The following EFCAB6 variants were observed in gnomAD, a reference collection of about 807,000 sequenced individuals.
The protein encoded by EFCAB6 is EF-hand calcium-binding domain-containing protein 6.
Under a neutral mutation model 169.8 loss-of-function variants are expected in EFCAB6, and 156 were observed. The observed-to-expected ratio is 0.92, with a 90% CI of 0.81 to 1.05. The LOEUF (loss-of-function observed/expected upper bound fraction) is 1.05, where lower values mean the gene tolerates loss of function less well. Ranked by LOEUF, EFCAB6 falls within the 50% of genes least tolerant of loss-of-function variation. The probability of loss-of-function intolerance (pLI) is 0.00; values close to 1 mark genes in which losing one functional copy is unlikely to be tolerated. For missense variants in EFCAB6, 1,800 were observed against 1,829.1 expected, an observed-to-expected ratio of 0.98 and a Z score of 0.29; for synonymous variants, 698 against 676.4, an observed-to-expected ratio of 1.03 and a Z score of -0.50.
intron 26 of EFCAB6, among the ~76,000 whole-genome samples, chr22:43,567,580 C>T (rs180786412): frequency 6.7e-4 from 102 of 152,290 alleles, no homozygotes; most frequent in Non-Finnish European, 6.0e-4. Flanking sequence ...ACACACCAAA[C>T]AGTTCTCATT....
rs2056625336 is a variant in EFCAB6, at chr22:43,654,287, C to A, written c.1983+12817G>T. 1.3e-5 allele frequency among the ~76,000 whole-genome samples: 2 copies of A among 152,228 alleles called. 1 individual carries two copies. The highest frequency in any genetic ancestry group is 4.1e-4 in the South Asian group (2 of 4,836). On this transcript the variant is annotated intron_variant, in intron 17 of 31. Coordinates refer to ENST00000262726, the MANE Select transcript of EFCAB6 (RefSeq NM_022785.4). ...AGAGCTGGAGCATTGTAACTCCCCACTTCTTCCCTGAGGGCTGTGCACCAT... is the reference window on the plus strand; with the variant it reads ...AGAGCTGGAGCATTGTAACTCCCCAATTCTTCCCTGAGGGCTGTGCACCAT...
At chr22:43,794,341 C>T (rs150457982) in intron 2 of EFCAB6, among the ~76,000 whole-genome samples, 4 of 152,290 alleles carry the variant, frequency 2.6e-5, no homozygotes, top group Non-Finnish European at 5.9e-5. Context: ...GAGTTAGACA[C>T]TATTATCCAT....
At chr22:43,655,864 G>A (rs1351379493) in intron 17 of EFCAB6, among the ~76,000 whole-genome samples, 1 of 152,168 alleles carries the variant, frequency 6.6e-6, no homozygotes, top group East Asian at 1.9e-4. Flanking sequence ...GATGACATAG[G>A]CCTGAAGGCA....
chr22:43,718,547 C>T (rs1264656304), intron 8 of EFCAB6, among the ~76,000 whole-genome samples: 1 of 152,158 alleles, frequency 6.6e-6, no homozygotes, highest in African/African-American at 2.4e-5. Flanking sequence ...CTTTGGGAGG[C>T]CAAGACGGGC....
intron 8 of EFCAB6, among the ~76,000 whole-genome samples, chr22:43,727,076 A>T (rs892066558): frequency 6.6e-6 from 1 of 152,228 alleles, no homozygotes; most frequent in Non-Finnish European, 1.5e-5. Flanking sequence ...TTGAAAAAAA[A>T]GTTTTAAAAC....
At chr22:43,790,097 T>A (rs16991000) in intron 2 of EFCAB6, among the ~76,000 whole-genome samples, 2,319 of 152,276 alleles carry the variant, frequency 0.015, 59 homozygotes, top group African/African-American at 0.053. Flanking sequence ...TGGCTAGTAC[T>A]TTGCTTTCCC....
At chr22:43,590,799 T>C (rs1248269600) in intron 23 of EFCAB6, among the ~76,000 whole-genome samples, 1 of 151,196 alleles carries the variant, frequency 6.6e-6, no homozygotes, top group African/African-American at 2.4e-5. Flanking sequence ...ACATGCACTT[T>C]GGCTATAGGC....
At chr22:43,756,306 C>A (rs2060955893) in intron 5 of EFCAB6, among the ~76,000 whole-genome samples, 1 of 152,194 alleles carries the variant, frequency 6.6e-6, no homozygotes, top group Non-Finnish European at 1.5e-5. Context: ...CAGCTCCTAA[C>A]CTCTCTGCTG....
chr22:43,678,585 A>G (rs566309107), intron 12 of EFCAB6, among the ~76,000 whole-genome samples: 2 of 152,306 alleles, frequency 1.3e-5, no homozygotes, highest in Admixed American at 6.5e-5. Flanking sequence ...TTAGTTTGCC[A>G]ATTTAGTAAG....
intron 3 of EFCAB6, among the ~76,000 whole-genome samples, chr22:43,778,741 A>C (rs1351347005): frequency 6.6e-6 from 1 of 152,216 alleles, no homozygotes; most frequent in Non-Finnish European, 1.5e-5. Flanking sequence ...TTTAACTAAA[A>C]CTGCAACAAA....
intron 26 of EFCAB6, among the ~76,000 whole-genome samples, chr22:43,564,858 G>A (rs1181239811): frequency 1.3e-5 from 2 of 152,092 alleles, no homozygotes; most frequent in Admixed American, 6.5e-5. Context: ...ATGGATGATC[G>A]GGAAGACAGA....
intron 13 of EFCAB6, among the ~76,000 whole-genome samples, chr22:43,675,885 C>T (rs2057735761): frequency 6.6e-6 from 1 of 151,374 alleles, no homozygotes; most frequent in Non-Finnish European, 1.5e-5. Flanking sequence ...ATTTCTACTT[C>T]TAAAATCTAT....
At chr22:43,589,065 A>G (rs575579989) in intron 24 of EFCAB6, among the ~76,000 whole-genome samples, 2 of 152,136 alleles carry the variant, frequency 1.3e-5, no homozygotes, top group East Asian at 3.9e-4. Context: ...TAGTAAGTCA[A>G]TAGAAACTGC....
rs1318693484 is a variant in EFCAB6, at chr22:43,753,676, A to G, written c.507+2090T>C. Among the ~76,000 whole-genome samples, 5 of 152,320 alleles carry G rather than the reference A, an allele frequency of 3.3e-5. No individual in the cohort carries two copies. In the East Asian group the frequency reaches 9.6e-4, roughly 29 times the overall value. On this transcript the variant is annotated intron_variant, in intron 6 of 31. Coordinates refer to ENST00000262726, the MANE Select transcript of EFCAB6 (RefSeq NM_022785.4). ...GCCTGTGAAGAAGAGAGAGGCTGAC[A>G]AATCAGCCATCAGACCAAGCTCATT...
At chr22:43,603,355 C>A (rs980872851) in intron 22 of EFCAB6, among the ~76,000 whole-genome samples, 3 of 152,158 alleles carry the variant, frequency 2.0e-5, no homozygotes, top group African/African-American at 7.2e-5. Context: ...TTTAAAACAC[C>A]AACTTGCCTA....
chr22:43,578,184 T>G (rs1460518140), intron 25 of EFCAB6, among the ~76,000 whole-genome samples: 2 of 152,104 alleles, frequency 1.3e-5, no homozygotes, highest in East Asian at 3.9e-4. Flanking sequence ...CCTGGGCAGG[T>G]TTATTCACGC....
rs774215419 is a variant in EFCAB6 at position 43,632,204 on chromosome 22, C to T, written c.2133G>A (p.Pro711=). 1.8e-5 allele frequency: 29 copies of T among 1,608,744 alleles called. No homozygotes were observed. The highest frequency in any genetic ancestry group is 1.7e-4 in the African/African-American group (13 of 74,500). ...AACTTTTTGAAGGAGTTGGAGGCTG[C>T]GGCGGAGTGGTTTCCGGCCCTCTCA... The part of the protein sequence containing the change: ...PPMRGPETTP[P]QPPTPSKSYV... Residue 711 remains proline (P), a synonymous_variant, in exon 19 of 32, where the codon CCG becomes CCA. Transcript: ENST00000262726.
At chr22:43,735,023 T>C (rs2060081293) in intron 7 of EFCAB6, among the ~76,000 whole-genome samples, 1 of 152,124 alleles carries the variant, frequency 6.6e-6, no homozygotes, top group Non-Finnish European at 1.5e-5. Context: ...CTGGAGCGTA[T>C]TTAGAAAAGT....
chr22:43,605,596 AT>A (rs2052860984), intron 22 of EFCAB6, among the ~76,000 whole-genome samples: 2 of 66 alleles, frequency 0.03, no homozygotes. Context: ...TGAGCTGAGA[AT>A]CGTGCCACTG....
Sources: allele counts gnomAD v4.1 joint callset (sites outside exome capture counted in the v4.1 genomes callset), GRCh38; gene constraint gnomAD v4.1.1; transcripts MANE v1.5; gene names NCBI Gene and HGNC (gene_info 2026-07-23, HGNC 2026-07-21).